Variants in SERPINI2 observed in about 807,000 individuals in gnomAD.
The protein encoded by SERPINI2 is serpin family I member 2.
A neutral mutation model predicts 47.3 loss-of-function variants in SERPINI2; 48 were observed. That is an observed-to-expected ratio of 1.02 (90% CI 0.81 to 1.29). SERPINI2 has a LOEUF of 1.29. Among genes scored for constraint, SERPINI2 ranks in the 50% most tolerant of loss-of-function variants. The probability of loss-of-function intolerance (pLI) is 0.00; values close to 1 mark genes in which losing one functional copy is unlikely to be tolerated. For missense variants in SERPINI2, 448 were observed against 456.9 expected (o/e 0.98, Z 0.18); for synonymous variants, 135 against 149.3 (o/e 0.90, Z 0.70).
At position 167,465,790 on chromosome 3, in the gene SERPINI2, G is replaced by A. The variant is rs1240286373; in HGVS notation, c.479-117C>T. On this transcript the variant is annotated intron_variant, in intron 3 of 8. Coordinates refer to ENST00000264677, the Ensembl canonical transcript of SERPINI2. Reference sequence around the variant, plus strand: ...TGCAGATCAGTTTTGGATAGGGCATGTTATCATCTAAATATGGTAATTTTG... The same window carrying A: ...TGCAGATCAGTTTTGGATAGGGCATATTATCATCTAAATATGGTAATTTTG... The A allele has an allele frequency of 8.1e-6, 6 of 739,192 alleles. No homozygotes were observed. In the African/African-American group the frequency reaches 8.9e-5, roughly 11 times the overall value. 45.8% of individuals were successfully genotyped at this position (739,192 alleles called of 1,614,324 possible).
chr3:167,467,164 ATAC>A (rs770393915), exon 3 of SERPINI2: 10 of 1,613,486 alleles, frequency 6.2e-6, no homozygotes, highest in Non-Finnish European at 8.5e-6. Context: ...TGCCATGGAG[ATAC>A]TGTTCTTTCA....
At chr3:167,445,998 T>C (rs1749467867) in intron 8 of SERPINI2, among the ~76,000 whole-genome samples, 1 of 152,198 alleles carries the variant, frequency 6.6e-6, no homozygotes, top group African/African-American at 2.4e-5. Flanking sequence ...CACCTCTCAA[T>C]TTCCATCCCC....
chr3:167,449,510 T>A (rs1451965026), intron 6 of SERPINI2, 108 bp from the exon 7 acceptor site: 11 of 515,230 alleles, frequency 2.1e-5, no homozygotes, highest in Admixed American at 4.1e-5. Flanking sequence ...TTATTTATTT[T>A]TTGAGATGGA....
chr3:167,473,211 C>T (rs778437508), intron 1 of SERPINI2, among the ~76,000 whole-genome samples: 1 of 151,438 alleles, frequency 6.6e-6, no homozygotes, highest in African/African-American at 2.4e-5. Flanking sequence ...AAAAACAATC[C>T]AAAGCAATTG....
chr3:167,446,555 T>C (rs990262767), intron 7 of SERPINI2, 74 bp from the exon 8 acceptor site: 1 of 973,188 alleles, frequency 1.0e-6, no homozygotes, highest in Non-Finnish European at 1.5e-6. Flanking sequence ...TCATAATACA[T>C]TTTGTAGACA....
At chr3:167,471,468 A>G (rs1009861107) in intron 2 of SERPINI2, 120 bp downstream of exon 2, 3 of 960,562 alleles carry the variant, frequency 3.1e-6, no homozygotes, top group African/African-American at 3.3e-5. Context: ...TTTTATTACA[A>G]TTTTGTACTT....
At chr3:167,445,163 A>C (rs1749436393) in intron 8 of SERPINI2, among the ~76,000 whole-genome samples, 1 of 152,168 alleles carries the variant, frequency 6.6e-6, no homozygotes, top group Non-Finnish European at 1.5e-5. Context: ...TGACTTTCAG[A>C]AGGGTCTCTC....
At chr3:167,450,528 C>T (rs1002143420) in intron 6 of SERPINI2, among the ~76,000 whole-genome samples, 20 of 152,006 alleles carry the variant, frequency 1.3e-4, no homozygotes, top group Admixed American at 3.9e-4. Context: ...ATAATTGGCT[C>T]GCAATAAATA....
At chr3:167,442,086 T>C in exon 9 of SERPINI2, 1 of 1,557,046 alleles carries the variant, frequency 6.4e-7, no homozygotes, top group Middle Eastern at 1.7e-4. Context: ...AATCATCTTT[T>C]ATTCTGAGGC....
intron 2 of SERPINI2, among the ~76,000 whole-genome samples, chr3:167,470,202 T>C (rs1325849401): frequency 6.6e-6 from 1 of 152,212 alleles, no homozygotes; most frequent in Non-Finnish European, 1.5e-5. Flanking sequence ...TTTGCTGAAA[T>C]TAATCAAGAC....
At chr3:167,473,786 A>C (rs1399323566) in intron 1 of SERPINI2, 1 of 1,461,720 alleles carries the variant, frequency 6.8e-7, no homozygotes, top group Non-Finnish European at 9.0e-7. Context: ...AGTAATGCTG[A>C]ACTAAACAAC....
intron 5 of SERPINI2, among the ~76,000 whole-genome samples, chr3:167,455,840 A>G (rs7619751): frequency 0.55 from 83,077 of 151,772 alleles, 23,478 homozygotes; most frequent in African/African-American, 0.7. Flanking sequence ...GGGGCTACAC[A>G]CTTTTGAACA....
intron 2 of SERPINI2, among the ~76,000 whole-genome samples, chr3:167,470,306 A>G (rs1338834961): frequency 6.6e-6 from 1 of 152,158 alleles, no homozygotes; most frequent in Non-Finnish European, 1.5e-5. Context: ...TCTTTTCTGT[A>G]TAAAATTGTC....
intron 5 of SERPINI2, among the ~76,000 whole-genome samples, chr3:167,464,009 CTT>C (rs555948215): frequency 0.037 from 3,477 of 93,068 alleles, 106 homozygotes; most frequent in African/African-American, 0.14. Context: ...ACAGGAGTGG[CTT>C]TTTTTTTTTT....
At chr3:167,466,469 A>G (rs1050987282) in intron 3 of SERPINI2, among the ~76,000 whole-genome samples, 6 of 152,232 alleles carry the variant, frequency 3.9e-5, no homozygotes, top group Non-Finnish European at 7.3e-5. Flanking sequence ...TGTTTTAATA[A>G]TATCCTCATT....
At chr3:167,459,681 G>GT (rs11346005) in intron 5 of SERPINI2, among the ~76,000 whole-genome samples, 1,738 of 107,976 alleles carry the variant, frequency 0.016, 23 homozygotes, top group African/African-American at 0.039. Flanking sequence ...CTTATGGGTG[G>GT]TTTTTTTTTT....
At chr3:167,442,146 G>A (rs967094652) in exon 9 of SERPINI2, 7 of 1,599,184 alleles carry the variant, frequency 4.4e-6, no homozygotes, top group South Asian at 1.1e-5. Flanking sequence ...TATCTCCTGG[G>A]TGTCAGGATT....
chr3:167,443,334 C>T (rs1305715772), intron 8 of SERPINI2, among the ~76,000 whole-genome samples: 1 of 152,170 alleles, frequency 6.6e-6, no homozygotes, highest in African/African-American at 2.4e-5. Flanking sequence ...GTCTCGATCT[C>T]CTGACCTCGT....
At chr3:167,442,385 G>A (rs1442381616) in intron 8 of SERPINI2, among the ~76,000 whole-genome samples, 200 bp from the exon 9 acceptor site, 1 of 151,994 alleles carries the variant, frequency 6.6e-6, no homozygotes, top group Non-Finnish European at 1.5e-5. Context: ...GGTAATTTAT[G>A]AGGTAAATTA....
Sources: allele counts gnomAD v4.1 joint callset (sites outside exome capture counted in the v4.1 genomes callset), GRCh38; gene constraint gnomAD v4.1.1; transcripts MANE v1.5; gene names NCBI Gene and HGNC (gene_info 2026-07-23, HGNC 2026-07-21).